Variants in SHISA9 observed in about 807,000 individuals in gnomAD.
SHISA9 encodes the protein shisa family member 9, also known as protein shisa-9.
Under a neutral mutation model 38.0 loss-of-function variants are expected in SHISA9, and 13 were observed. The observed-to-expected ratio is 0.34, with a 90% CI of 0.22 to 0.54. The LOEUF (loss-of-function observed/expected upper bound fraction) is 0.54, where lower values mean the gene tolerates loss of function less well. Among genes scored for constraint, SHISA9 ranks in the 20% least tolerant of loss-of-function variants. SHISA9 has a pLI of 0.91. For missense variants in SHISA9, 538 were observed against 575.8 expected, an observed-to-expected ratio of 0.93 and a Z score of 0.67; for synonymous variants, 275 against 242.0, an observed-to-expected ratio of 1.14 and a Z score of -1.27.
At chr16:13,428,110 T>C in the SHISA9 span, among the ~76,000 whole-genome samples, 1 of 152,192 alleles carries the variant, frequency 6.6e-6, no homozygotes, top group East Asian at 1.9e-4. Flanking sequence ...CTGGCAAACA[T>C]CCAAGCCAAT....
At chr16:13,129,747 T>C (rs138930234) in intron 2 of SHISA9, among the ~76,000 whole-genome samples, 1 of 152,174 alleles carries the variant, frequency 6.6e-6, no homozygotes, top group African/African-American at 2.4e-5. Context: ...TGGTCCCATA[T>C]GTTCAGCAGG....
chr16:13,525,173 G>A, the SHISA9 span, among the ~76,000 whole-genome samples: 1 of 152,128 alleles, frequency 6.6e-6, no homozygotes, highest in Non-Finnish European at 1.5e-5. Context: ...AGTTTCATGT[G>A]GTGCTGATGA....
the SHISA9 span, among the ~76,000 whole-genome samples, chr16:13,355,382 A>T: frequency 6.6e-6 from 1 of 151,564 alleles, no homozygotes; most frequent in African/African-American, 2.4e-5. Context: ...GTCACCAAGG[A>T]GGGAGTAGAG....
chr16:13,463,049 G>C, the SHISA9 span, among the ~76,000 whole-genome samples: 2 of 152,254 alleles, frequency 1.3e-5, no homozygotes, highest in African/African-American at 4.8e-5. Flanking sequence ...CCAGCTACCA[G>C]GGAGGCTGAG....
chr16:13,381,161 A>C, the SHISA9 span, among the ~76,000 whole-genome samples: 1 of 152,128 alleles, frequency 6.6e-6, no homozygotes, highest in African/African-American at 2.4e-5. Flanking sequence ...GGCAAAGATA[A>C]TAATCAGAAA....
chr16:13,299,078 C>T, the SHISA9 span, among the ~76,000 whole-genome samples: 1 of 152,326 alleles, frequency 6.6e-6, no homozygotes, highest in East Asian at 1.9e-4. Flanking sequence ...CTCCCAAGGG[C>T]AGCCAGTGAC....
intron 2 of SHISA9, among the ~76,000 whole-genome samples, chr16:12,925,004 GT>G (rs1690912374): frequency 6.6e-6 from 1 of 152,202 alleles, no homozygotes; most frequent in Non-Finnish European, 1.5e-5. Context: ...ATAAATATTA[GT>G]TGTTACTAAT....
intron 2 of SHISA9, among the ~76,000 whole-genome samples, chr16:13,052,422 TG>T (rs1367410278): frequency 1.3e-5 from 2 of 152,238 alleles, no homozygotes; most frequent in East Asian, 3.9e-4. Context: ...AGAAGCCCAC[TG>T]TCTTGTGAGA....
At chr16:13,328,707 G>A in the SHISA9 span, among the ~76,000 whole-genome samples, 7 of 151,776 alleles carry the variant, frequency 4.6e-5, no homozygotes, top group African/African-American at 1.2e-4. Flanking sequence ...CCCTGACCTC[G>A]GGCGATCCAC....
intron 2 of SHISA9, among the ~76,000 whole-genome samples, chr16:12,978,918 AT>A (rs1429574972): frequency 3.3e-5 from 5 of 152,150 alleles, no homozygotes; most frequent in African/African-American, 4.8e-5. Flanking sequence ...TTTCTTTAAA[AT>A]TTTCTGTATC....
chr16:13,042,152 G>A (rs1346944858), intron 2 of SHISA9, among the ~76,000 whole-genome samples: 1 of 152,128 alleles, frequency 6.6e-6, no homozygotes, highest in African/African-American at 2.4e-5. Flanking sequence ...GATCTGTTGG[G>A]TAGACAGTCT....
intron 4 of SHISA9, 148 bp downstream of exon 4, chr16:13,213,448 G>A (rs527447395): frequency 2.3e-5 from 15 of 658,596 alleles, no homozygotes; most frequent in Middle Eastern, 2.5e-4. Context: ...CTAAGTTCCA[G>A]TGTGTAGGTG....
At position 13,237,589 on chromosome 16, in the gene SHISA9, G is replaced by A. The variant is rs993346457; in HGVS notation, c.*2180G>A. The A allele has an allele frequency of 7.9e-5, 12 of 150,984 alleles. No individual in the cohort carries two copies. The highest frequency in any genetic ancestry group is 7.9e-4 in the Admixed American group (12 of 15,126). 9.4% of individuals were successfully genotyped at this position (150,984 alleles called of 1,614,324 possible). On this transcript the variant is annotated 3_prime_UTR_variant, in exon 5 of 5. Coordinates refer to ENST00000558583, the MANE Select transcript of SHISA9 (RefSeq NM_001145204.3). ...GAGGCAGGAGAATCGCTTAAACTTG[G>A]GAGGTTGCAGTGAGCTGAGACCACA...
the SHISA9 span, among the ~76,000 whole-genome samples, chr16:13,357,998 G>T: frequency 7.0e-4 from 106 of 152,260 alleles, no homozygotes; most frequent in African/African-American, 2.5e-3. Context: ...GGCCATCTGG[G>T]CGATATATAT....
the SHISA9 span, among the ~76,000 whole-genome samples, chr16:13,403,196 C>T: frequency 2.6e-5 from 4 of 152,058 alleles, no homozygotes; most frequent in African/African-American, 7.2e-5. Flanking sequence ...AAGACTAATA[C>T]GGACCCACAG....
the SHISA9 span, among the ~76,000 whole-genome samples, chr16:13,388,913 T>A: frequency 7.9e-5 from 12 of 152,074 alleles, no homozygotes; most frequent in African/African-American, 2.9e-4. Flanking sequence ...TTGTAAAAAA[T>A]TTTATAGACA....
At chr16:13,123,905 C>A (rs1383964005) in intron 2 of SHISA9, among the ~76,000 whole-genome samples, 1 of 152,214 alleles carries the variant, frequency 6.6e-6, no homozygotes, top group Non-Finnish European at 1.5e-5. Flanking sequence ...GCTTCTAACT[C>A]TTGGTGTTGT....
intron 2 of SHISA9, among the ~76,000 whole-genome samples, chr16:13,092,065 C>T (rs1416721875): frequency 1.3e-5 from 2 of 152,222 alleles, no homozygotes; most frequent in African/African-American, 4.8e-5. Context: ...GGTCCCTCAG[C>T]TGCAGGTCTG....
At chr16:12,982,527 T>A (rs748363790) in intron 2 of SHISA9, among the ~76,000 whole-genome samples, 3 of 152,182 alleles carry the variant, frequency 2.0e-5, no homozygotes, top group Non-Finnish European at 4.4e-5. Flanking sequence ...ACATTCTCTA[T>A]CCTCCCATTT....
Sources: allele counts gnomAD v4.1 joint callset (sites outside exome capture counted in the v4.1 genomes callset), GRCh38; gene constraint gnomAD v4.1.1; transcripts MANE v1.5; gene names NCBI Gene and HGNC (gene_info 2026-07-23, HGNC 2026-07-21).